The following HEATR6 variants were observed in gnomAD, a reference collection of about 807,000 sequenced individuals.
HEATR6 encodes the protein HEAT repeat containing 6, also known as HEAT repeat-containing protein 6.
In HEATR6, 106 loss-of-function variants were observed where a neutral mutation model predicts 132.8. The ratio of observed to expected loss-of-function variants is 0.80; its 90% CI spans 0.68 to 0.94. The LOEUF (loss-of-function observed/expected upper bound fraction) is 0.94. Ranked by LOEUF, HEATR6 falls within the 40% of genes least tolerant of loss-of-function variation. HEATR6 has a pLI of 0.00. For synonymous variants in HEATR6, 529 were observed against 537.8 expected (o/e 0.98, Z 0.23); for missense variants, 1,339 against 1,425.1 (o/e 0.94, Z 0.97).
intron 1 of HEATR6, among the ~76,000 whole-genome samples, chr17:60,077,110 A>G (rs183267547): frequency 6.6e-6 from 1 of 152,312 alleles, no homozygotes; most frequent in East Asian, 1.9e-4. Flanking sequence ...AGAGCTCACA[A>G]ACTAGTGAGA....
chr17:60,041,147 A>G lies in HEATR6; in HGVS notation c.*2416T>C, dbSNP rs1370332067. On this transcript the variant is annotated 3_prime_UTR_variant, in exon 20 of 20. Transcript: ENST00000184956. ...TGTATGTACACCCACAATGCTGCAG[A>G]GAAGAGAATCAGCATACTGTTGGGA... 6.6e-6 allele frequency among the ~76,000 whole-genome samples: 1 copy of G among 152,230 alleles called. No individual in the cohort carries two copies. Among genetic ancestry groups the G allele is most frequent in the Non-Finnish European group, 1.5e-5 (1 of 68,040 alleles).
chr17:60,043,956 C>A lies in HEATR6; in HGVS notation c.3153G>T (p.Gln1051His). ...AAAAGTCTATGGTGTCTTCACTCTT[C>A]TGTAAAGCGGTGACCAATGCATTCC... ...RIWNALVTAL[Q>H]KSEDTIDFLE... The change falls in exon 20 of 20, where the codon CAG becomes CAT. Residue 1051 changes from glutamine to histidine, a missense_variant. Gln to His is a conservative substitution (Grantham distance 24). Transcript: ENST00000184956. 6.2e-7 allele frequency: 1 copy of A among 1,614,122 alleles called. No individual in the cohort carries two copies. The highest frequency in any genetic ancestry group is 8.5e-7 in the Non-Finnish European group (1 of 1,180,028).
rs892328824 is a variant in HEATR6 at position 60,078,828 on chromosome 17, C to T, written c.87G>A (p.Gly29=). The T allele has an allele frequency of 5.0e-6, 8 of 1,607,112 alleles. No homozygotes were observed. The African/African-American group carries it at 8.0e-5, about 16-fold the overall frequency. The change falls in exon 1 of 20, where the codon GGG becomes GGA. Residue 29 remains glycine, a synonymous_variant. Coordinates refer to ENST00000184956, the MANE Select transcript of HEATR6 (RefSeq NM_022070.5). ...AGAGCCTGGCAGACAAGAGGCGAAA[C>T]CCATTGCCTCGCTCAGGGATTGCTT... ...PREAIPERGN[G]FRLLSARLCA... is the part of the protein sequence containing the mutation.
chr17:60,046,950 G>A (rs1409743449), intron 18 of HEATR6, among the ~76,000 whole-genome samples: 1 of 151,988 alleles, frequency 6.6e-6, no homozygotes, highest in African/African-American at 2.4e-5. Flanking sequence ...GCCCAGACAT[G>A]TGCTTTTTAA....
chr17:60,046,002 G>A (rs1277528801), intron 19 of HEATR6, 23 bp downstream of exon 19: 1 of 1,548,496 alleles, frequency 6.5e-7, no homozygotes, highest in Non-Finnish European at 8.9e-7. Context: ...TTTCCACCAG[G>A]GAGTGAAGGG....
Position 60,043,545 on chromosome 17 carries a change from G to T in HEATR6, c.*18C>A. 1.9e-6 allele frequency: 3 copies of T among 1,587,012 alleles called. No individual in the cohort carries two copies. Among genetic ancestry groups the T allele is most frequent in the Non-Finnish European group, 1.7e-6 (2 of 1,161,802 alleles). On this transcript the variant is annotated 3_prime_UTR_variant, in exon 20 of 20. Coordinates refer to ENST00000184956, the MANE Select transcript of HEATR6 (RefSeq NM_022070.5). ...TTCCTACTGCCGCCTTCGACATCTA[G>T]AAAGTATGGTGGGATCTTCACTGAT...
In HEATR6 at chr17:60,073,218, G is replaced by C. The variant is rs761704927; in HGVS notation, c.530C>G (p.Ser177Cys). The C allele has an allele frequency of 6.2e-7, 1 of 1,613,694 alleles. No homozygotes were observed. Among genetic ancestry groups the C allele is most frequent in the Non-Finnish European group, 8.5e-7 (1 of 1,179,770 alleles). Residue 177 changes from serine to cysteine, a missense_variant, in exon 4 of 20, where the codon TCT (serine) becomes TGT (cysteine). By Grantham distance (112) the Ser-to-Cys change is moderately radical (BLOSUM62 -1). Transcript: ENST00000184956. ...LLMKLSDLAQSDPEVRRAAVH... is the reference protein window; with the variant it reads ...LLMKLSDLAQCDPEVRRAAVH... ...TGCAGCTCTCCTGACTTCAGGATCA[G>C]ACTGAGCCAAGTCACTCAACTTCAT...
chr17:60,078,668 G>T, intron 1 of HEATR6, 28 bp downstream of exon 1: 2 of 1,519,656 alleles, frequency 1.3e-6, no homozygotes, highest in Admixed American at 2.0e-5. Context: ...TGGGGCCGGG[G>T]CCGGGGCCAG....
chr17:60,077,332 G>A (rs2083302021), intron 1 of HEATR6, among the ~76,000 whole-genome samples: 1 of 152,106 alleles, frequency 6.6e-6, no homozygotes, highest in Non-Finnish European at 1.5e-5. Context: ...AAAACCTGGA[G>A]GTGTGAAACA....
At chr17:60,062,295 T>C (rs2083216282) in intron 9 of HEATR6, among the ~76,000 whole-genome samples, 1 of 152,254 alleles carries the variant, frequency 6.6e-6, no homozygotes, top group South Asian at 2.1e-4. Flanking sequence ...CAGGTGTAGC[T>C]CTTCAGAGAG....
Position 60,073,891 on chromosome 17 carries a change from C to T in HEATR6, c.328-5G>A. ...GTGCTGTTCATCAACAATTACCTAA[C>T]AGGACAGGAAAAGATATATTCTGAT... On this transcript the variant is annotated splice_region_variant and splice_polypyrimidine_tract_variant and intron_variant, in intron 2 of 19. Coordinates refer to ENST00000184956, the MANE Select transcript of HEATR6 (RefSeq NM_022070.5). 6.2e-7 allele frequency: 1 copy of T among 1,612,636 alleles called. No homozygotes were observed. The highest frequency in any genetic ancestry group is 8.5e-7 in the Non-Finnish European group (1 of 1,179,430).
In HEATR6 at chr17:60,043,378, C is replaced by A; in HGVS notation, c.*185G>T. ...GATGTTCCAACAACCCTGACCATGG[C>A]CAGTGCTATGGAGTCACTCCAAAGG... On this transcript the variant is annotated 3_prime_UTR_variant, in exon 20 of 20. Coordinates refer to ENST00000184956, the MANE Select transcript of HEATR6 (RefSeq NM_022070.5). 1.7e-6 allele frequency: 1 copy of A among 592,144 alleles called. No homozygotes were observed. The highest frequency in any genetic ancestry group is 3.0e-6 in the Non-Finnish European group (1 of 336,608). The allele number at this position is 592,144 out of a possible 1,614,324, so 36.7% of individuals were successfully genotyped here.
intron 16 of HEATR6, among the ~76,000 whole-genome samples, chr17:60,048,998 A>ATATATAT (rs1555666946): frequency 7.8e-6 from 1 of 128,460 alleles, no homozygotes; most frequent in Non-Finnish European, 1.6e-5. Context: ...ATATATATAT[A>ATATATAT]TATATATATA....
chr17:60,056,309 A>G, intron 12 of HEATR6, 72 bp from the exon 13 acceptor site: 2 of 1,431,556 alleles, frequency 1.4e-6, no homozygotes, highest in Non-Finnish European at 1.9e-6. Flanking sequence ...AAGTGTTACA[A>G]TATTTCAGAA....
At chr17:60,071,138 T>C (rs542246468) in intron 5 of HEATR6, among the ~76,000 whole-genome samples, 6 of 152,224 alleles carry the variant, frequency 3.9e-5, no homozygotes, top group East Asian at 3.9e-4. Context: ...ATAGCACAGA[T>C]CAGAATTGGG....
chr17:60,072,357 A>C, intron 4 of HEATR6, 28 bp from the exon 5 acceptor site: 1 of 1,263,608 alleles, frequency 7.9e-7, no homozygotes, highest in Non-Finnish European at 1.1e-6. Context: ...AAACAACTCA[A>C]ACTCAGTCTC....
intron 5 of HEATR6, among the ~76,000 whole-genome samples, chr17:60,071,320 T>G (rs1173616399): frequency 6.6e-6 from 1 of 152,170 alleles, no homozygotes; most frequent in Non-Finnish European, 1.5e-5. Flanking sequence ...CTTCCGACAT[T>G]GGGATGATGT....
In HEATR6 at chr17:60,047,408, G is replaced by A. The variant is rs772784818; in HGVS notation, c.2673-3C>T. 2.3e-5 allele frequency: 37 copies of A among 1,598,254 alleles called. No individual in the cohort carries two copies. The highest frequency in any genetic ancestry group is 2.2e-5 in the Non-Finnish European group (26 of 1,166,852). On this transcript the variant is annotated splice_polypyrimidine_tract_variant and splice_region_variant and intron_variant, in intron 17 of 19. Coordinates refer to ENST00000184956, the MANE Select transcript of HEATR6 (RefSeq NM_022070.5). ...GGAAACTTGGGTCTGGTGTTTCCCT[G>A]TTCCACCCAAAGCAGACAACACATG... is the stretch of plus-strand genomic sequence containing the variant.
intron 7 of HEATR6, among the ~76,000 whole-genome samples, chr17:60,068,881 T>A (rs2083255900): frequency 6.6e-6 from 1 of 152,112 alleles, no homozygotes; most frequent in Non-Finnish European, 1.5e-5. Context: ...AACAATAATA[T>A]TGCATTGTAG....
Sources: gnomAD v4.1 joint callset for allele counts (sites outside exome capture counted in the v4.1 genomes callset) on GRCh38, gnomAD v4.1.1 for gene constraint, MANE v1.5 for transcripts, NCBI Gene and HGNC (gene_info 2026-07-23, HGNC 2026-07-21) for gene names.